DVL3: variants seen among roughly 807,000 people sequenced by gnomAD.
DVL3 encodes segment polarity protein dishevelled homolog DVL-3.
DVL3 carries 27 observed loss-of-function variants against 67.4 expected under a neutral mutation model. That is an observed-to-expected ratio of 0.40 (90% confidence interval 0.30 to 0.55). The LOEUF (loss-of-function observed/expected upper bound fraction) is 0.55, where lower values mean the gene tolerates loss of function less well. Among genes scored for constraint, DVL3 ranks in the 20% least tolerant of loss-of-function variants. The pLI is 0.46. For synonymous variants in DVL3, 369 were observed against 396.8 expected (o/e 0.93, Z 0.83); for missense variants, 819 against 1,021.5 (o/e 0.80, Z 2.70).
chr3:184,167,063 C>T lies in DVL3; in HGVS notation c.1198+88C>T. ...GTCCATGTGGAGACTCTTGCTTGAG[C>T]ATCAGAGAGGGCTGGAGATGGGGCT... is the stretch of plus-strand genomic sequence containing the variant. On this transcript the variant is annotated intron_variant, in intron 11 of 14. Transcript: ENST00000313143. The surrounding 1 kb of genome is among the most constrained non-coding windows in gnomAD (Gnocchi z 4.6). 2.7e-6 allele frequency: 4 copies of T among 1,499,982 alleles called. No individual in the cohort carries two copies. The South Asian group carries it at 4.9e-5, about 19-fold the overall frequency. 92.9% of individuals were successfully genotyped at this position (1,499,982 alleles called of 1,614,324 possible).
chr3:184,166,355 G>A lies in DVL3; in HGVS notation c.903+90G>A, dbSNP rs1159287674. 6.2e-7 allele frequency: 1 copy of A among 1,607,888 alleles called. No homozygotes were observed. Among genetic ancestry groups the A allele is most frequent in the African/African-American group, 1.3e-5 (1 of 74,776 alleles). The stretch of plus-strand genomic sequence containing the variant: ...CCTGCTCCTTCAGAGGCCCCTTCTT[G>A]GTTGGGGGAAGACTCCCTGACCTAC... On this transcript the variant is annotated intron_variant, in intron 8 of 14. Transcript: ENST00000313143. This position sits in a 1 kb window ranked among gnomAD's most constrained non-coding sequence, Gnocchi z 6.7.
At position 184,170,302 on chromosome 3, in the gene DVL3, C is replaced by G. The variant is rs1257102747; in HGVS notation, c.1715-17C>G. The G allele has an allele frequency of 1.3e-6, 2 of 1,593,956 alleles. No individual in the cohort carries two copies. Among genetic ancestry groups the G allele is most frequent in the African/African-American group, 2.7e-5 (2 of 74,564 alleles). On this transcript the variant is annotated splice_polypyrimidine_tract_variant and intron_variant, in intron 14 of 14. Transcript: ENST00000313143. This position sits in a 1 kb window ranked among gnomAD's most constrained non-coding sequence, Gnocchi z 6.5. ...CCGCTCAGCCTGCCCCACCCCGGCC[C>G]TGTTTGCCTCCTACAGGCAGTCGGA...
chr3:184,166,255 T>C lies in DVL3; in HGVS notation c.893T>C (p.Met298Thr). ...AADGRIEPGD[M>T]LLQVNEINFE... ...GATGGACGCATCGAGCCAGGAGATA[T>C]GTTGTTACAGGTATCAGTGCCCATC... Residue 298 changes from methionine to threonine, a missense_variant, in exon 8 of 15, where the codon ATG (methionine) becomes ACG (threonine). Physicochemically the swap from Met to Thr is moderately conservative, Grantham distance 81. This residue lies in a region of DVL3 where 385 missense variants were observed against 486.8 expected (regional missense o/e 0.79). Coordinates refer to ENST00000313143, the MANE Select transcript of DVL3 (RefSeq NM_004423.4). The surrounding 1 kb of genome is among the most constrained non-coding windows in gnomAD (Gnocchi z 6.7). 1.2e-6 allele frequency: 2 copies of C among 1,612,700 alleles called. No homozygotes were observed. The highest frequency in any genetic ancestry group is 2.2e-5 in the East Asian group (1 of 44,868).
chr3:184,173,247 C>G lies in DVL3; in HGVS notation c.*2492C>G, dbSNP rs1714910455. On this transcript the variant is annotated 3_prime_UTR_variant, in exon 15 of 15. Coordinates refer to ENST00000313143, the MANE Select transcript of DVL3 (RefSeq NM_004423.4). Reference sequence around the variant, plus strand: ...ATCACAATCTACATAGGCTCACCAGCTAGAAACATTTATGAGCTTACATTC... The same window carrying G: ...ATCACAATCTACATAGGCTCACCAGGTAGAAACATTTATGAGCTTACATTC... 1 of 152,246 alleles carries G rather than the reference C, an allele frequency of 6.6e-6. No homozygotes were observed. Among genetic ancestry groups the G allele is most frequent in the South Asian group, 2.1e-4 (1 of 4,830 alleles). 9.4% of individuals were successfully genotyped at this position (152,246 alleles called of 1,614,324 possible). A position where few individuals can be genotyped will look rare whatever the true frequency, so the allele number is the denominator to read the frequency against.
chr3:184,158,541 A>C (rs1470572056), intron 1 of DVL3, among the ~76,000 whole-genome samples: 6 of 151,970 alleles, frequency 3.9e-5, no homozygotes, highest in Admixed American at 2.0e-4. Flanking sequence ...GCCTTGGAAA[A>C]CTGTAGAGGT....
At position 184,166,136 on chromosome 3, in the gene DVL3, C is replaced by T. The variant is rs1359903526; in HGVS notation, c.774C>T (p.Asn258=). The T allele has an allele frequency of 1.9e-6, 3 of 1,613,604 alleles. No individual in the cohort carries two copies. Among genetic ancestry groups the T allele is most frequent in the Middle Eastern group, 1.7e-4 (1 of 6,058 alleles). ...AATTACTCTCTATAGAAAAATATAA[C>T]TTCTTGGGCATCTCCATTGTGGGCC... ...ITVTLNMEKY[N]FLGISIVGQS... Residue 258 remains asparagine, a synonymous_variant, in exon 8 of 15, where the codon AAC becomes AAT. Transcript: ENST00000313143. The surrounding 1 kb of genome is among the most constrained non-coding windows in gnomAD (Gnocchi z 6.7).
In DVL3 at chr3:184,171,113, T is replaced by G; in HGVS notation, c.*358T>G. ...GCAATGACCTTGGTGGCACGCTCAC[T>G]CCCTCATTCTCTCGTTTCCCCTTTA... On this transcript the variant is annotated 3_prime_UTR_variant, in exon 15 of 15. Coordinates refer to ENST00000313143, the MANE Select transcript of DVL3 (RefSeq NM_004423.4). 1 of 1,207,166 alleles carries G rather than the reference T, an allele frequency of 8.3e-7. No homozygotes were observed. The highest frequency in any genetic ancestry group is 1.0e-6 in the Non-Finnish European group (1 of 959,344). The allele number at this position is 1,207,166 out of a possible 1,614,324, so 74.8% of individuals were successfully genotyped here. A position where few individuals can be genotyped will look rare whatever the true frequency, so the allele number is the denominator to read the frequency against.
In DVL3 at chr3:184,166,284, G is replaced by C; in HGVS notation, c.903+19G>C. 1.9e-6 allele frequency: 3 copies of C among 1,611,000 alleles called. No homozygotes were observed. In the East Asian group the frequency reaches 6.7e-5, roughly 36 times the overall value. On this transcript the variant is annotated intron_variant, in intron 8 of 14. Transcript: ENST00000313143. This position sits in a 1 kb window ranked among gnomAD's most constrained non-coding sequence, Gnocchi z 6.7. ...GTTACAGGTATCAGTGCCCATCCTA[G>C]GCGGTGGTGTGGATAGAGGGCAGGG...
rs756458717 is a variant in DVL3, at chr3:184,164,352, C to T, written c.317C>T (p.Thr106Met). ...GAGCTGCCACCACCTATGGAGCGCA[C>T]GGGAGGCATCGGGGACTCCCGACCC... Reference protein sequence around the residue: ...PSELPPPMERTGGIGDSRPPS... With the variant: ...PSELPPPMERMGGIGDSRPPS... The change falls in exon 3 of 15, where the codon ACG becomes ATG. Residue 106 changes from threonine (T) to methionine (M), a missense_variant. Thr to Met is a moderately conservative substitution (Grantham distance 81). This residue lies in a region of DVL3 where 385 missense variants were observed against 486.8 expected (regional missense o/e 0.79). Coordinates refer to ENST00000313143, the MANE Select transcript of DVL3 (RefSeq NM_004423.4). The surrounding 1 kb of genome is among the most constrained non-coding windows in gnomAD (Gnocchi z 5.3). The T allele has an allele frequency of 1.7e-5, 27 of 1,613,958 alleles. No homozygotes were observed. The highest frequency in any genetic ancestry group is 4.4e-5 in the South Asian group (4 of 91,090).
Position 184,155,794 on chromosome 3 carries a change from C to T in DVL3, c.159C>T (p.Phe53=), listed in dbSNP as rs1714161453. The T allele has an allele frequency of 3.1e-6, 5 of 1,606,848 alleles. No homozygotes were observed. In the East Asian group the frequency reaches 6.8e-5, roughly 22 times the overall value. ...KFFFKSMDDD[F]GVVKEEISDD... The stretch of plus-strand genomic sequence containing the variant: ...TCTTCAAGTCTATGGACGACGATTT[C>T]GGGTGAGGATGGCCCCCGCCCCGCC... The change falls in exon 1 of 15, where the codon TTC becomes TTT. Residue 53 remains phenylalanine (F), a splice_region_variant and synonymous_variant. Coordinates refer to ENST00000313143, the MANE Select transcript of DVL3 (RefSeq NM_004423.4). The surrounding 1 kb of genome is among the most constrained non-coding windows in gnomAD (Gnocchi z 5.4).
intron 1 of DVL3, among the ~76,000 whole-genome samples, chr3:184,156,028 T>G (rs2109016929): frequency 6.6e-6 from 1 of 152,244 alleles, no homozygotes; most frequent in Middle Eastern, 3.4e-3. Context: ...AATTCCCCAC[T>G]AGCAATCAGA....
chr3:184,167,047 G>T lies in DVL3; in HGVS notation c.1198+72G>T. 6.4e-7 allele frequency: 1 copy of T among 1,557,788 alleles called. No homozygotes were observed. ...GGGGGGACTGATGAGGGTCCATGTG[G>T]AGACTCTTGCTTGAGCATCAGAGAG... On this transcript the variant is annotated intron_variant, in intron 11 of 14. Transcript: ENST00000313143. The surrounding 1 kb of genome is among the most constrained non-coding windows in gnomAD (Gnocchi z 4.6).
chr3:184,166,627 C>G lies in DVL3; in HGVS notation c.1002C>G (p.Ala334=), dbSNP rs1714598979. The part of the protein sequence containing the change: ...HKPGPITLTV[A]KCWDPSPRGC... Reference sequence around the variant, plus strand: ...TCAGGCCCATCACCCTGACTGTAGCCAAGTGCTGGGACCCAAGTCCACGTG... The same window carrying G: ...TCAGGCCCATCACCCTGACTGTAGCGAAGTGCTGGGACCCAAGTCCACGTG... Residue 334 remains alanine, a synonymous_variant, in exon 10 of 15, where the codon GCC becomes GCG. Coordinates refer to ENST00000313143, the MANE Select transcript of DVL3 (RefSeq NM_004423.4). The surrounding 1 kb of genome is among the most constrained non-coding windows in gnomAD (Gnocchi z 6.7). 1 of 1,614,200 alleles carries G rather than the reference C, an allele frequency of 6.2e-7. No individual in the cohort carries two copies. Among genetic ancestry groups the G allele is most frequent in the Admixed American group, 1.7e-5 (1 of 60,024 alleles).
intron 1 of DVL3, among the ~76,000 whole-genome samples, chr3:184,157,800 G>T (rs998541701): frequency 6.6e-6 from 1 of 152,220 alleles, no homozygotes; most frequent in Non-Finnish European, 1.5e-5. Context: ...TATTAAAAAT[G>T]AAGTGGAGGA....
chr3:184,170,862 A>G lies in DVL3; in HGVS notation c.*107A>G, dbSNP rs1560121675. Reference sequence around the variant, plus strand: ...TGTCTGGTACCTGAAAGGGAAATAAAAGGAACTAAATCCAGGTGCGCTAAC... The same window carrying G: ...TGTCTGGTACCTGAAAGGGAAATAAGAGGAACTAAATCCAGGTGCGCTAAC... On this transcript the variant is annotated 3_prime_UTR_variant, in exon 15 of 15. Coordinates refer to ENST00000313143, the MANE Select transcript of DVL3 (RefSeq NM_004423.4). The surrounding 1 kb of genome is among the most constrained non-coding windows in gnomAD (Gnocchi z 6.5). 1 of 1,554,630 alleles carries G rather than the reference A, an allele frequency of 6.4e-7. No homozygotes were observed. The highest frequency in any genetic ancestry group is 2.4e-5 in the East Asian group (1 of 41,078).
intron 1 of DVL3, among the ~76,000 whole-genome samples, chr3:184,162,029 GT>G (rs1264414089): frequency 6.6e-6 from 1 of 152,146 alleles, no homozygotes; most frequent in East Asian, 1.9e-4. Flanking sequence ...AATTTCAGCA[GT>G]TTAGGAGAAT....
chr3:184,157,657 A>G (rs1250877732), intron 1 of DVL3, among the ~76,000 whole-genome samples: 1 of 152,246 alleles, frequency 6.6e-6, no homozygotes, highest in Non-Finnish European at 1.5e-5. Context: ...TCTTTCTAAA[A>G]TATGTTTAAC....
Position 184,166,770 on chromosome 3 carries a change from G to T in DVL3, c.1049-56G>T, listed in dbSNP as rs1426766458. 4 of 1,613,504 alleles carry T rather than the reference G, an allele frequency of 2.5e-6. No individual in the cohort carries two copies. Among genetic ancestry groups the T allele is most frequent in the Admixed American group, 1.7e-5 (1 of 59,974 alleles). On this transcript the variant is annotated intron_variant, in intron 10 of 14. Coordinates refer to ENST00000313143, the MANE Select transcript of DVL3 (RefSeq NM_004423.4). The surrounding 1 kb of genome is among the most constrained non-coding windows in gnomAD (Gnocchi z 6.7). ...CACCCAGAACCCCCATATCTATCCTGTTGGGCCCAGCAGTGGGTGGGGTGG... is the reference window on the plus strand; with the variant it reads ...CACCCAGAACCCCCATATCTATCCTTTTGGGCCCAGCAGTGGGTGGGGTGG...
At position 184,166,705 on chromosome 3, in the gene DVL3, G is replaced by C. The variant is rs771759251; in HGVS notation, c.1048+32G>C. On this transcript the variant is annotated intron_variant, in intron 10 of 14. Coordinates refer to ENST00000313143, the MANE Select transcript of DVL3 (RefSeq NM_004423.4). This position sits in a 1 kb window ranked among gnomAD's most constrained non-coding sequence, Gnocchi z 6.7. ...GGATGGGAGACTCAGTCCTAAAGCT[G>C]GTGCTTACATACATGAGCACTGTCT... 5.6e-6 allele frequency: 9 copies of C among 1,612,732 alleles called. No homozygotes were observed. Among genetic ancestry groups the C allele is most frequent in the Non-Finnish European group, 7.6e-6 (9 of 1,179,336 alleles).
Sources: gnomAD v4.1 joint callset for allele counts (sites outside exome capture counted in the v4.1 genomes callset) on GRCh38, gnomAD v4.1.1 for gene constraint, gnomAD v4.1.1 regional missense constraint, Gnocchi (gnomAD v3.1) non-coding constraint, MANE v1.5 for transcripts, NCBI Gene and HGNC (gene_info 2026-07-23, HGNC 2026-07-21) for gene names.